NPAS3: variants seen among roughly 807,000 people sequenced by gnomAD.
NPAS3 encodes neuronal PAS domain-containing protein 3.
Under a neutral mutation model 73.1 loss-of-function variants are expected in NPAS3, and 14 were observed. The ratio of observed to expected loss-of-function variants is 0.19; its 90% CI spans 0.13 to 0.30. The LOEUF (loss-of-function observed/expected upper bound fraction) is 0.30, where lower values mean the gene tolerates loss of function less well. Among genes scored for constraint, NPAS3 ranks in the 10% least tolerant of loss-of-function variants. NPAS3 has a pLI of 1.00. For missense variants in NPAS3, 1,096 were observed against 1,250.0 expected, an observed-to-expected ratio of 0.88 and a Z score of 1.86; for synonymous variants, 620 against 541.5, an observed-to-expected ratio of 1.14 and a Z score of -2.01.
chr14:33,360,917 A>T (rs2045569762), intron 3 of NPAS3, among the ~76,000 whole-genome samples: 1 of 152,002 alleles, frequency 6.6e-6, no homozygotes, highest in South Asian at 2.1e-4. Context: ...TGACTGTCAG[A>T]CGTTGACCTC....
intron 7 of NPAS3, among the ~76,000 whole-genome samples, chr14:33,771,213 T>C (rs185306737): frequency 1.8e-4 from 28 of 152,330 alleles, no homozygotes; most frequent in Admixed American, 1.6e-3. Context: ...AAAAGCTCTG[T>C]TGGCATTATG....
At chr14:33,658,469 G>C (rs2059213001) in intron 5 of NPAS3, among the ~76,000 whole-genome samples, 1 of 152,190 alleles carries the variant, frequency 6.6e-6, no homozygotes. Context: ...ATACCAGCAA[G>C]TCTAACACAG....
intron 1 of NPAS3, among the ~76,000 whole-genome samples, chr14:33,026,953 C>T (rs17099937): frequency 0.42 from 64,447 of 151,902 alleles, 15,614 homozygotes; most frequent in African/African-American, 0.68. Flanking sequence ...GCTTAATCCT[C>T]TGTAGCTAAA....
At chr14:33,717,802 GT>G (rs2140525840) in intron 6 of NPAS3, among the ~76,000 whole-genome samples, 1 of 152,100 alleles carries the variant, frequency 6.6e-6, no homozygotes, top group South Asian at 2.1e-4. Flanking sequence ...GAAAATAAAG[GT>G]GCTTATCTCA....
Position 33,301,322 on chromosome 14 carries a change from A to ATT in NPAS3, c.386-65853_386-65852dup, listed in dbSNP as rs56242001. 2.5e-3 allele frequency among the ~76,000 whole-genome samples: 245 copies of ATT among 99,664 alleles called. 31 individuals are homozygous for ATT. The highest frequency in any genetic ancestry group is 4.9e-3 in the South Asian group (17 of 3,468). 65.4% of individuals were successfully genotyped at this position (99,664 alleles called of 152,430 possible). A position where few individuals can be genotyped will look rare whatever the true frequency, so the allele number is the denominator to read the frequency against. The stretch of plus-strand genomic sequence containing the variant: ...GTTTTATCATTATATATATATATAT[A>ATT]TTTTTTTTTTTTAAATCTAGCTGTA... On this transcript the variant is annotated intron_variant, in intron 3 of 11. Coordinates refer to ENST00000356141, the Ensembl canonical transcript of NPAS3.
At chr14:33,314,036 T>G (rs1237984304) in intron 3 of NPAS3, among the ~76,000 whole-genome samples, 2 of 152,090 alleles carry the variant, frequency 1.3e-5, no homozygotes, top group Non-Finnish European at 2.9e-5. Flanking sequence ...TTCTGCCTTT[T>G]AAAAATTTTC....
chr14:33,441,973 A>G (rs1425304985), intron 4 of NPAS3, among the ~76,000 whole-genome samples: 1 of 152,190 alleles, frequency 6.6e-6, no homozygotes, highest in Non-Finnish European at 1.5e-5. Context: ...GCTACAATTT[A>G]AGATGAGATT....
intron 2 of NPAS3, among the ~76,000 whole-genome samples, chr14:33,186,104 C>G (rs774921506): frequency 6.6e-6 from 1 of 152,118 alleles, no homozygotes; most frequent in East Asian, 1.9e-4. Context: ...AGACTCCCCC[C>G]CACCCACAAG....
chr14:33,037,742 G>A (rs2040218560), intron 1 of NPAS3, among the ~76,000 whole-genome samples: 1 of 152,148 alleles, frequency 6.6e-6, no homozygotes, highest in South Asian at 2.1e-4. Context: ...AGGGAAATTG[G>A]ATTGATGCTT....
chr14:33,166,572 TA>T, intron 2 of NPAS3, among the ~76,000 whole-genome samples: 1 of 152,174 alleles, frequency 6.6e-6, no homozygotes, highest in Non-Finnish European at 1.5e-5. Context: ...CAGTTCTCCA[TA>T]AATGCTTTCT....
At chr14:33,719,843 C>T (rs2061056875) in intron 6 of NPAS3, among the ~76,000 whole-genome samples, 1 of 152,158 alleles carries the variant, frequency 6.6e-6, no homozygotes, top group Non-Finnish European at 1.5e-5. Flanking sequence ...TAGAAAGGCA[C>T]TCTTTCTTCT....
intron 2 of NPAS3, among the ~76,000 whole-genome samples, chr14:33,170,181 G>A (rs1010422063): frequency 6.6e-6 from 1 of 152,086 alleles, no homozygotes; most frequent in African/African-American, 2.4e-5. Flanking sequence ...ACAATAAAAC[G>A]AATATCACAA....
At chr14:33,369,541 A>C (rs1199600327) in intron 4 of NPAS3, among the ~76,000 whole-genome samples, 2 of 152,124 alleles carry the variant, frequency 1.3e-5, no homozygotes, top group South Asian at 2.1e-4. Context: ...GGCTGGTCAC[A>C]CTTGGAATAA....
chr14:33,006,588 C>T (rs1039384018), intron 1 of NPAS3, among the ~76,000 whole-genome samples: 5 of 152,118 alleles, frequency 3.3e-5, no homozygotes, highest in African/African-American at 1.2e-4. Flanking sequence ...TTTAGAAAGT[C>T]TGCCAACTGT....
intron 3 of NPAS3, among the ~76,000 whole-genome samples, chr14:33,298,554 C>G (rs1285672919): frequency 6.6e-6 from 1 of 152,286 alleles, no homozygotes; most frequent in African/African-American, 2.4e-5. Flanking sequence ...TCAATATTTT[C>G]AGACCTAAAA....
At chr14:33,221,438 T>C (rs1460042007) in intron 3 of NPAS3, among the ~76,000 whole-genome samples, 1 of 152,152 alleles carries the variant, frequency 6.6e-6, no homozygotes, top group Non-Finnish European at 1.5e-5. Flanking sequence ...TACTTGTGTA[T>C]TGTTTTTATC....
chr14:33,397,022 A>G (rs1395429990), intron 4 of NPAS3, among the ~76,000 whole-genome samples: 1 of 152,108 alleles, frequency 6.6e-6, no homozygotes, highest in East Asian at 1.9e-4. Flanking sequence ...TTATTATAAC[A>G]GATTTTCACA....
chr14:33,349,250 A>G (rs10135752), intron 3 of NPAS3, among the ~76,000 whole-genome samples: 6,849 of 152,246 alleles, frequency 0.045, 455 homozygotes, highest in African/African-American at 0.15. Context: ...TTCCTAGCCT[A>G]TTTATACTGT....
intron 3 of NPAS3, among the ~76,000 whole-genome samples, chr14:33,277,766 GGGTGAGTTTGGA>G (rs1245810043): frequency 1.3e-5 from 2 of 152,106 alleles, no homozygotes; most frequent in African/African-American, 4.8e-5. Flanking sequence ...AATGAGAAAG[GGGTGAGTTTGGA>G]GTAGTAGCCA....
Sources: allele counts gnomAD v4.1 joint callset (sites outside exome capture counted in the v4.1 genomes callset), GRCh38; gene constraint gnomAD v4.1.1; transcripts MANE v1.5; gene names NCBI Gene and HGNC (gene_info 2026-07-23, HGNC 2026-07-21).